The following SCN11A variants were observed in gnomAD, a reference collection of about 807,000 sequenced individuals.
The protein encoded by SCN11A is sodium channel protein type 11 subunit alpha.
SCN11A carries 122 observed loss-of-function variants against 162.2 expected under a neutral mutation model. That is an observed-to-expected ratio of 0.75 (90% CI 0.65 to 0.87). The LOEUF (loss-of-function observed/expected upper bound fraction) is 0.87, where lower values mean the gene tolerates loss of function less well. Among genes scored for constraint, SCN11A ranks in the 40% least tolerant of loss-of-function variants. SCN11A has a pLI of 0.00. For missense variants in SCN11A, 2,015 were observed against 2,181.6 expected (o/e 0.92, Z 1.52); for synonymous variants, 758 against 751.5 (o/e 1.01, Z -0.14).
At chr3:39,025,857 T>C (rs1196295917) in intron 2 of SCN11A, 2 of 152,178 alleles carry the variant, frequency 1.3e-5, no homozygotes, top group Admixed American at 1.3e-4. Flanking sequence ...CCTCCCCAAT[T>C]CAAGATGAAG....
At chr3:38,985,053 T>C (rs545238979) in intron 2 of SCN11A, among the ~76,000 whole-genome samples, 1 of 150,094 alleles carries the variant, frequency 6.7e-6, no homozygotes, top group East Asian at 1.9e-4. Flanking sequence ...TGTGATACAA[T>C]GAAAGCCACA....
At chr3:39,004,589 T>C (rs1282018049) in intron 2 of SCN11A, among the ~76,000 whole-genome samples, 1 of 152,232 alleles carries the variant, frequency 6.6e-6, no homozygotes, top group Non-Finnish European at 1.5e-5. Context: ...AGGAATAGCA[T>C]TGAATCTGTA....
rs1454555285 is a variant in SCN11A, at chr3:38,879,928, GAC to G, written c.3393+20_3393+21del. The stretch of plus-strand genomic sequence containing the variant: ...TTAACCACTACCCCAGCCTGTGTGG[GAC>G]ACAGAGATGGTAAACTTACAATCAC... On this transcript the variant is annotated intron_variant, in intron 23 of 29. Coordinates refer to ENST00000302328, the MANE Select transcript of SCN11A (RefSeq NM_001349253.2). 1.9e-6 allele frequency: 3 copies of G among 1,601,144 alleles called. No individual in the cohort carries two copies. In the Admixed American group the frequency reaches 5.0e-5, roughly 27 times the overall value.
At chr3:38,928,553 A>G (rs2066180223) in intron 7 of SCN11A, among the ~76,000 whole-genome samples, 1 of 152,130 alleles carries the variant, frequency 6.6e-6, no homozygotes, top group Admixed American at 6.5e-5. Context: ...TAAATTAAAT[A>G]ATAAAATAAA....
chr3:38,925,842 G>A (rs903611152), intron 8 of SCN11A, among the ~76,000 whole-genome samples: 1 of 152,204 alleles, frequency 6.6e-6, no homozygotes, highest in Non-Finnish European at 1.5e-5. Context: ...ATGCCCCAAG[G>A]CACTTCACTA....
intron 28 of SCN11A, among the ~76,000 whole-genome samples, chr3:38,855,937 G>A (rs1207316143): frequency 6.6e-6 from 1 of 152,196 alleles, no homozygotes; most frequent in Admixed American, 6.5e-5. Context: ...TAGTAGCCCT[G>A]CCAGGTGGCT....
At position 39,048,945 on chromosome 3, in the gene SCN11A, G is replaced by T. The variant is rs149394718; in HGVS notation, c.-404+2916C>A. Among the ~76,000 whole-genome samples the T allele has an allele frequency of 2.0e-3, 310 of 152,304 alleles. 2 individuals carry two copies. Among genetic ancestry groups the T allele is most frequent in the African/African-American group, 7.1e-3 (294 of 41,554 alleles). ...TCAGTCACCAGACATGTGAGAGAAG[G>T]GGTCTTCAGATGATTCCAGCCCCAA... is the stretch of plus-strand genomic sequence containing the variant. On this transcript the variant is annotated intron_variant, in intron 1 of 29. Transcript: ENST00000302328.
intron 16 of SCN11A, among the ~76,000 whole-genome samples, chr3:38,902,587 G>A (rs978041504): frequency 1.3e-5 from 2 of 150,966 alleles, no homozygotes; most frequent in Admixed American, 1.3e-4. Flanking sequence ...GCACGATCTC[G>A]GCTCACTGCA....
intron 7 of SCN11A, among the ~76,000 whole-genome samples, chr3:38,931,022 C>T (rs1451639109): frequency 5.3e-5 from 8 of 152,238 alleles, no homozygotes; most frequent in Non-Finnish European, 1.2e-4. Context: ...GCTGTGGAAA[C>T]AATGCACTCT....
chr3:38,868,067 G>C (rs2065069972), intron 26 of SCN11A, among the ~76,000 whole-genome samples: 1 of 152,140 alleles, frequency 6.6e-6, no homozygotes, highest in Non-Finnish European at 1.5e-5. Context: ...CTCCAACCAA[G>C]CTCTCCTAGT....
intron 17 of SCN11A, among the ~76,000 whole-genome samples, chr3:38,897,631 G>A (rs1380324766): frequency 5.3e-5 from 8 of 151,544 alleles, no homozygotes; most frequent in East Asian, 1.9e-4. Context: ...CAGGGGAATC[G>A]CTTGAACCTG....
At position 38,946,792 on chromosome 3, in the gene SCN11A, T is replaced by C. The variant is rs2066523352; in HGVS notation, c.383A>G (p.His128Arg). The change falls in exon 6 of 30, where the codon CAT becomes CGT. Residue 128 changes from histidine (H) to arginine (R), a missense_variant. Coordinates refer to ENST00000302328, the MANE Select transcript of SCN11A (RefSeq NM_001349253.2). ...IRSLAIRVSVHSLFSMFIIGT... is the reference protein window; with the variant it reads ...IRSLAIRVSVRSLFSMFIIGT... The stretch of plus-strand genomic sequence containing the variant: ...AAAAGGTGCAATGAAAGGATATGAA[T>C]GGACTGAGACTCTAATGGCTAAACT... The C allele has an allele frequency of 6.3e-7, 1 of 1,596,346 alleles. No individual in the cohort carries two copies. The highest frequency in any genetic ancestry group is 1.7e-5 in the Admixed American group (1 of 59,494).
At chr3:38,892,653 T>A (rs575018070) in intron 19 of SCN11A, among the ~76,000 whole-genome samples, 2 of 152,020 alleles carry the variant, frequency 1.3e-5, no homozygotes, top group Non-Finnish European at 2.9e-5. Flanking sequence ...CTAGTTATAT[T>A]AAGCAATAAT....
At chr3:38,849,774 C>G (rs183860960) in intron 29 of SCN11A, 2 of 152,290 alleles carry the variant, frequency 1.3e-5, no homozygotes, top group East Asian at 3.9e-4. Context: ...AACCTTCTTT[C>G]TTTTGTATTC....
At position 38,894,790 on chromosome 3, in the gene SCN11A, T is replaced by C; in HGVS notation, c.2578A>G (p.Lys860Glu). 1 of 1,614,178 alleles carries C rather than the reference T, an allele frequency of 6.2e-7. No homozygotes were observed. Among genetic ancestry groups the C allele is most frequent in the Non-Finnish European group, 8.5e-7 (1 of 1,180,022 alleles). ...TCTTTTTGCTGTGGTAAGTTTTGCT[T>C]CCTGCACCACTTGTGACAGAAATGC... The part of the protein sequence containing the change: ...LEHFCHKWCR[K>E]QNLPQQKEVA... Residue 860 changes from lysine (K) to glutamate (E), a missense_variant, in exon 19 of 30, where the codon AAG (lysine) becomes GAG (glutamate). Physicochemically the swap from Lys to Glu is moderately conservative, Grantham distance 56. Coordinates refer to ENST00000302328, the MANE Select transcript of SCN11A (RefSeq NM_001349253.2).
chr3:38,976,716 G>A (rs535847404), intron 2 of SCN11A, among the ~76,000 whole-genome samples: 32 of 152,112 alleles, frequency 2.1e-4, no homozygotes, highest in African/African-American at 7.7e-4. Flanking sequence ...AAAGCTCCAG[G>A]CATCATATAA....
intron 29 of SCN11A, chr3:38,849,401 G>A (rs2064738268): frequency 2.7e-5 from 4 of 150,936 alleles, no homozygotes; most frequent in African/African-American, 9.8e-5. Flanking sequence ...TTAACATCAT[G>A]GCTTAGAAAC....
chr3:39,026,059 A>G (rs1307329967), intron 2 of SCN11A: 1 of 152,222 alleles, frequency 6.6e-6, no homozygotes, highest in Non-Finnish European at 1.5e-5. Flanking sequence ...CTGCACAAGA[A>G]TAACACGCAA....
chr3:38,907,308 ATATGTG>A (rs1382291995), intron 14 of SCN11A, among the ~76,000 whole-genome samples: 491 of 33,554 alleles, frequency 0.015, 4 homozygotes, highest in African/African-American at 0.031. Flanking sequence ...ATACCAACAT[ATATGTG>A]TGTGTGTGTG....
Sources: gnomAD v4.1 joint callset for allele counts (sites outside exome capture counted in the v4.1 genomes callset) on GRCh38, gnomAD v4.1.1 for gene constraint, MANE v1.5 for transcripts, NCBI Gene and HGNC (gene_info 2026-07-23, HGNC 2026-07-21) for gene names.